GRID1: variants seen among roughly 807,000 people sequenced by gnomAD.
GRID1 encodes the protein glutamate ionotropic receptor delta type subunit 1, also known as glutamate receptor ionotropic, delta-1.
A neutral mutation model predicts 98.0 loss-of-function variants in GRID1; 28 were observed. The observed-to-expected ratio is 0.29, with a 90% CI of 0.21 to 0.39. GRID1 has a LOEUF of 0.39. Among genes scored for constraint, GRID1 ranks in the 10% least tolerant of loss-of-function variants. The pLI is 1.00. For missense variants in GRID1, 1,111 were observed against 1,340.5 expected (o/e 0.83, Z 2.67); for synonymous variants, 553 against 538.5 (o/e 1.03, Z -0.37).
At chr10:86,329,120 A>G (rs1848099721) in intron 2 of GRID1, among the ~76,000 whole-genome samples, 1 of 152,198 alleles carries the variant, frequency 6.6e-6, no homozygotes, top group African/African-American at 2.4e-5. Flanking sequence ...ATCCGCCAGC[A>G]TTGCCTCCCA....
chr10:86,196,618 T>A (rs1472082983), intron 3 of GRID1, among the ~76,000 whole-genome samples: 1 of 152,100 alleles, frequency 6.6e-6, no homozygotes, highest in Admixed American at 6.5e-5. Flanking sequence ...ACCATTGCCA[T>A]CTCACTGTGA....
At chr10:86,128,774 C>T (rs113306475) in intron 4 of GRID1, among the ~76,000 whole-genome samples, 45 of 152,296 alleles carry the variant, frequency 3.0e-4, no homozygotes, top group Admixed American at 9.8e-4. Context: ...CTTTTCTCAA[C>T]GCCCTTCATG....
chr10:85,799,083 C>A (rs983757834), intron 8 of GRID1, among the ~76,000 whole-genome samples: 2 of 152,082 alleles, frequency 1.3e-5, no homozygotes, highest in Non-Finnish European at 2.9e-5. Flanking sequence ...GGTTTTCCAG[C>A]ATCATTATTG....
intron 2 of GRID1, among the ~76,000 whole-genome samples, chr10:86,311,720 G>C (rs1264353731): frequency 6.6e-6 from 1 of 152,168 alleles, no homozygotes; most frequent in South Asian, 2.1e-4. Flanking sequence ...GGCAGTTTAG[G>C]CATGGTGGCT....
At chr10:85,820,054 GC>G (rs1190465099) in intron 8 of GRID1, among the ~76,000 whole-genome samples, 1 of 115,374 alleles carries the variant, frequency 8.7e-6, no homozygotes, top group African/African-American at 3.9e-5. Context: ...AGGCAGGCAG[GC>G]AGGCAGGCAG....
intron 2 of GRID1, among the ~76,000 whole-genome samples, chr10:86,329,414 C>T (rs927079385): frequency 6.6e-6 from 1 of 152,168 alleles, no homozygotes; most frequent in Non-Finnish European, 1.5e-5. Flanking sequence ...GGGTGAATAC[C>T]CCAATATGCC....
chr10:86,218,244 C>T (rs150353064), intron 2 of GRID1, among the ~76,000 whole-genome samples: 17 of 152,222 alleles, frequency 1.1e-4, no homozygotes, highest in Admixed American at 9.8e-4. Flanking sequence ...ATTACTCCCC[C>T]CACCGCAGCC....
At chr10:85,640,487 T>G (rs1843102607) in intron 13 of GRID1, among the ~76,000 whole-genome samples, 1 of 152,224 alleles carries the variant, frequency 6.6e-6, no homozygotes, top group South Asian at 2.1e-4. Context: ...ATCCCAAAAG[T>G]GCACAGAAGT....
intron 2 of GRID1, among the ~76,000 whole-genome samples, chr10:86,209,112 A>C (rs1332595940): frequency 6.6e-6 from 1 of 152,392 alleles, no homozygotes. Context: ...TAAATAAAAC[A>C]TCAACATGCA....
At chr10:86,092,974 G>A (rs896560725) in intron 4 of GRID1, among the ~76,000 whole-genome samples, 5 of 152,154 alleles carry the variant, frequency 3.3e-5, no homozygotes, top group African/African-American at 9.7e-5. Flanking sequence ...TAGACAATAT[G>A]ATAGGCCATA....
chr10:86,017,772 T>A (rs532561340), intron 4 of GRID1, among the ~76,000 whole-genome samples: 1 of 152,332 alleles, frequency 6.6e-6, no homozygotes, highest in South Asian at 2.1e-4. Flanking sequence ...TCTGAGCATG[T>A]TGCAGGTAGA....
intron 14 of GRID1, among the ~76,000 whole-genome samples, chr10:85,614,818 T>C (rs1842770462): frequency 6.6e-6 from 1 of 152,096 alleles, no homozygotes; most frequent in African/African-American, 2.4e-5. Flanking sequence ...ATACTCCCCA[T>C]TGTGGTTTTC....
intron 4 of GRID1, among the ~76,000 whole-genome samples, chr10:86,071,982 G>C (rs1843811312): frequency 6.6e-6 from 1 of 152,180 alleles, no homozygotes; most frequent in African/African-American, 2.4e-5. Flanking sequence ...TGCCAAGAGA[G>C]GGGAGAAGGG....
rs546431889 is a variant in GRID1 at position 85,679,996 on chromosome 10, C to G, written c.1998-32599G>C. Among the ~76,000 whole-genome samples, 6 of 152,282 alleles carry G rather than the reference C, an allele frequency of 3.9e-5. No individual in the cohort carries two copies. The East Asian group carries it at 1.2e-3, about 29-fold the overall frequency. On this transcript the variant is annotated intron_variant, in intron 12 of 15. Coordinates refer to ENST00000327946, the MANE Select transcript of GRID1 (RefSeq NM_017551.3). ...TCCTGAGGCCGTGGGCAGGGCATCT[C>G]AGGCTCCTATGCATGCAGCACAGTC...
At chr10:85,772,616 C>T (rs11201785) in intron 8 of GRID1, among the ~76,000 whole-genome samples, 27,069 of 151,318 alleles carry the variant, frequency 0.18, 2,600 homozygotes, top group Middle Eastern at 0.23. Context: ...AGCAAATAGA[C>T]GCAATAAAAA....
chr10:85,788,977 A>G lies in GRID1; in HGVS notation c.1234-59363T>C, dbSNP rs117351243. On this transcript the variant is annotated intron_variant, in intron 8 of 15. Coordinates refer to ENST00000327946, the MANE Select transcript of GRID1 (RefSeq NM_017551.3). Reference sequence around the variant, plus strand: ...AGTTTCATCTTGCATCTCTGCCCTCATTTTCTCTTTGCCCTAATTTCCCCC... The same window carrying G: ...AGTTTCATCTTGCATCTCTGCCCTCGTTTTCTCTTTGCCCTAATTTCCCCC... Among the ~76,000 whole-genome samples the G allele has an allele frequency of 8.0e-3, 1,219 of 152,158 alleles. 8 individuals carry two copies. Among genetic ancestry groups the G allele is most frequent in the Non-Finnish European group, 0.012 (843 of 68,008 alleles).
intron 12 of GRID1, among the ~76,000 whole-genome samples, chr10:85,685,191 TAGTTA>T (rs1263523464): frequency 1.3e-5 from 2 of 152,182 alleles, no homozygotes; most frequent in African/African-American, 4.8e-5. Flanking sequence ...GGAGAATTTA[TAGTTA>T]AGTTATTAAA....
intron 3 of GRID1, among the ~76,000 whole-genome samples, chr10:86,143,962 T>C (rs11201903): frequency 0.043 from 6,500 of 152,204 alleles, 148 homozygotes; most frequent in Non-Finnish European, 0.054. Context: ...AGGGGCCCCA[T>C]CACCAGGCCT....
chr10:85,902,907 C>T (rs965747721), intron 5 of GRID1, among the ~76,000 whole-genome samples: 1 of 152,174 alleles, frequency 6.6e-6, no homozygotes, highest in African/African-American at 2.4e-5. Context: ...CCCCACAACA[C>T]CTGTCCTCCT....
Sources: gnomAD v4.1 joint callset for allele counts (sites outside exome capture counted in the v4.1 genomes callset) on GRCh38, gnomAD v4.1.1 for gene constraint, MANE v1.5 for transcripts, NCBI Gene and HGNC (gene_info 2026-07-23, HGNC 2026-07-21) for gene names.